TRPM3: variants seen among roughly 807,000 people sequenced by gnomAD.
TRPM3 encodes transient receptor potential cation channel subfamily M member 3.
Under a neutral mutation model 181.2 loss-of-function variants are expected in TRPM3, and 77 were observed. That is an observed-to-expected ratio of 0.42 (90% CI 0.35 to 0.51). TRPM3 has a LOEUF of 0.51. TRPM3 is among the 20% of genes least tolerant of loss of function. TRPM3 has a pLI of 0.01. For missense variants in TRPM3, 1,759 were observed against 2,196.7 expected (o/e 0.80, Z 3.98); for synonymous variants, 745 against 796.4 (o/e 0.94, Z 1.09).
At chr9:71,222,485 G>A (rs1010784452) in intron 1 of TRPM3, among the ~76,000 whole-genome samples, 10 of 152,206 alleles carry the variant, frequency 6.6e-5, no homozygotes, top group African/African-American at 2.4e-4. Flanking sequence ...AGAAGTGCTT[G>A]TAGGGTTGAG....
At chr9:71,265,802 C>A (rs1030186925) in intron 1 of TRPM3, among the ~76,000 whole-genome samples, 48 of 152,202 alleles carry the variant, frequency 3.2e-4, no homozygotes, top group Non-Finnish European at 2.9e-5. Context: ...AGTCATTAGA[C>A]TACTGTCATC....
intron 8 of TRPM3, among the ~76,000 whole-genome samples, chr9:70,684,887 T>G (rs936367198): frequency 6.6e-6 from 1 of 152,230 alleles, no homozygotes; most frequent in Admixed American, 6.5e-5. Context: ...ACGCTAACCT[T>G]CTGAGTTGGG....
intron 8 of TRPM3, among the ~76,000 whole-genome samples, chr9:70,756,333 T>A (rs959249814): frequency 6.6e-6 from 1 of 151,744 alleles, no homozygotes; most frequent in Non-Finnish European, 1.5e-5. Flanking sequence ...AGCACCCAGA[T>A]TCATAAAGCA....
chr9:70,825,118 C>T (rs2093469085), intron 6 of TRPM3: 1 of 152,138 alleles, frequency 6.6e-6, no homozygotes, highest in Admixed American at 6.5e-5. Context: ...TCAGTTTGCC[C>T]AGACTGAGGG....
chr9:70,673,998 A>C (rs538214449), intron 9 of TRPM3, among the ~76,000 whole-genome samples: 1 of 152,006 alleles, frequency 6.6e-6, no homozygotes, highest in East Asian at 1.9e-4. Flanking sequence ...TCTCATAAAA[A>C]TGTCAACAAG....
intron 1 of TRPM3, among the ~76,000 whole-genome samples, chr9:71,441,562 C>G (rs1002914866): frequency 3.3e-5 from 5 of 151,596 alleles, no homozygotes; most frequent in African/African-American, 1.2e-4. Context: ...CTACTAGCCA[C>G]GTAATCCTTA....
chr9:71,216,780 GT>G (rs2079893781), intron 1 of TRPM3, among the ~76,000 whole-genome samples: 1 of 152,010 alleles, frequency 6.6e-6, no homozygotes, highest in South Asian at 2.1e-4. Context: ...CTCAACACAG[GT>G]TCATGGCATT....
rs544463806 is a variant in TRPM3 at position 71,369,482 on chromosome 9, G to A, written c.183+77171C>T. On this transcript the variant is annotated intron_variant, in intron 1 of 24. Transcript: ENST00000357533. ...GTGTGTAGTAAATGCAAATGAGGCT[G>A]AAGGGAACTTCTGATTTGCTGAGAA... 3.9e-5 allele frequency among the ~76,000 whole-genome samples: 6 copies of A among 152,236 alleles called. No homozygotes were observed. The South Asian group carries it at 1.2e-3, about 32-fold the overall frequency.
chr9:71,133,975 G>C lies in TRPM3; in HGVS notation c.184-269464C>G, dbSNP rs1361327929. Among the ~76,000 whole-genome samples, 13 of 2,016 alleles carry C rather than the reference G, an allele frequency of 6.4e-3. No homozygotes were observed. The East Asian group carries it at 0.093, about 14-fold the overall frequency. 1.3% of individuals were successfully genotyped at this position (2,016 alleles called of 152,430 possible). A position where few individuals can be genotyped will look rare whatever the true frequency, so the allele number is the denominator to read the frequency against. ...CCTACTATCTAAACTGTGTGTGTTT[G>C]TGTGTGTGTGTGTGTGTGTGTGTGT... On this transcript the variant is annotated intron_variant, in intron 1 of 24. Transcript: ENST00000357533.
intron 1 of TRPM3, among the ~76,000 whole-genome samples, chr9:70,996,174 T>A (rs2097539805): frequency 6.6e-6 from 1 of 152,198 alleles, no homozygotes; most frequent in African/African-American, 2.4e-5. Flanking sequence ...GATATCTTCA[T>A]CTCAGAAAAA....
chr9:70,850,507 T>C (rs2095183215), intron 3 of TRPM3, among the ~76,000 whole-genome samples: 1 of 152,180 alleles, frequency 6.6e-6, no homozygotes, highest in Non-Finnish European at 1.5e-5. Context: ...TTGATTGTGC[T>C]GATTTCCCAG....
At chr9:70,848,998 A>AAG (rs1158671674) in intron 3 of TRPM3, among the ~76,000 whole-genome samples, 1 of 151,878 alleles carries the variant, frequency 6.6e-6, no homozygotes, top group East Asian at 1.9e-4. Flanking sequence ...AAAAAAAAAA[A>AAG]AAAGAAATTA....
chr9:70,582,187 T>C (rs1201813592), intron 22 of TRPM3, among the ~76,000 whole-genome samples: 2 of 146,788 alleles, frequency 1.4e-5, no homozygotes, highest in Admixed American at 6.8e-5. Flanking sequence ...TGTGCGTGTG[T>C]GTGTGTGTGT....
At chr9:71,127,756 G>T (rs965747416) in intron 1 of TRPM3, among the ~76,000 whole-genome samples, 7 of 152,130 alleles carry the variant, frequency 4.6e-5, no homozygotes, top group African/African-American at 1.2e-4. Context: ...GTCCATAAGC[G>T]CACAGGCCAT....
At chr9:70,610,884 C>T in intron 18 of TRPM3, 135 bp from the exon 19 acceptor site, 1 of 1,074,946 alleles carries the variant, frequency 9.3e-7, no homozygotes, top group South Asian at 1.6e-5. Context: ...AGAGGTTGTA[C>T]CTTCCCTAAG....
intron 1 of TRPM3, among the ~76,000 whole-genome samples, chr9:71,282,259 GGAAA>G (rs1168324412): frequency 6.9e-5 from 6 of 87,464 alleles, no homozygotes; most frequent in South Asian, 3.2e-4. Context: ...AAGAAAGAAA[GGAAA>G]GAAAGAGAGA....
At chr9:70,929,996 T>A (rs56017015) in intron 1 of TRPM3, among the ~76,000 whole-genome samples, 14,423 of 152,178 alleles carry the variant, frequency 0.095, 841 homozygotes, top group African/African-American at 0.16. Flanking sequence ...GATATTTTTA[T>A]TCCCAATTTA....
intron 1 of TRPM3, among the ~76,000 whole-genome samples, chr9:71,367,811 G>T (rs930435208): frequency 9.2e-5 from 14 of 152,178 alleles, no homozygotes; most frequent in Admixed American, 9.2e-4. Context: ...CCTCTCTTGA[G>T]AAACAGGATA....
chr9:71,244,052 A>G (rs1318804658), intron 1 of TRPM3, among the ~76,000 whole-genome samples: 1 of 152,182 alleles, frequency 6.6e-6, no homozygotes, highest in East Asian at 1.9e-4. Context: ...TCGAGACAAC[A>G]GTTTGTGCCT....
Sources: gnomAD v4.1 joint callset for allele counts (sites outside exome capture counted in the v4.1 genomes callset) on GRCh38, gnomAD v4.1.1 for gene constraint, MANE v1.5 for transcripts, NCBI Gene and HGNC (gene_info 2026-07-23, HGNC 2026-07-21) for gene names.